Variants in TRPS1 observed in about 807,000 individuals in gnomAD.
TRPS1 encodes zinc finger transcription factor Trps1.
In TRPS1, 6 loss-of-function variants were observed where a neutral mutation model predicts 101.2. That is an observed-to-expected ratio of 0.06 (90% CI 0.03 to 0.12). The LOEUF is 0.12. Ranked by LOEUF, TRPS1 falls within the 10% of genes least tolerant of loss-of-function variation. TRPS1 has a pLI of 1.00. For missense variants in TRPS1, 1,363 were observed against 1,567.0 expected (o/e 0.87, Z 2.20); for synonymous variants, 578 against 589.8 (o/e 0.98, Z 0.29).
Position 115,619,225 on chromosome 8 carries a change from G to A in TRPS1, c.873C>T (p.Asp291=). The change falls in exon 3 of 7, where the codon GAC becomes GAT. Residue 291 remains aspartate, a synonymous_variant. Transcript: ENST00000395715. ...ACACAGAACGGTTGACCTTCTGGAAGTCTTTGGAATGGCTGAACTGCACCA... is the reference window on the plus strand; with the variant it reads ...ACACAGAACGGTTGACCTTCTGGAAATCTTTGGAATGGCTGAACTGCACCA... The part of the protein sequence containing the change: ...HNMVQFSHSK[D]FQKVNRSVFS... 6.2e-7 allele frequency: 1 copy of A among 1,614,132 alleles called. No homozygotes were observed. The highest frequency in any genetic ancestry group is 8.5e-7 in the Non-Finnish European group (1 of 1,180,020).
intron 5 of TRPS1, among the ~76,000 whole-genome samples, chr8:115,493,319 G>A (rs1331387246): frequency 2.6e-5 from 4 of 152,126 alleles, no homozygotes; most frequent in Non-Finnish European, 4.4e-5. Context: ...CATATTGCTA[G>A]CATTAATATA....
chr8:115,533,803 G>T (rs898931631), intron 5 of TRPS1, among the ~76,000 whole-genome samples: 4 of 151,950 alleles, frequency 2.6e-5, no homozygotes, highest in Non-Finnish European at 1.5e-5. Context: ...TTTCTTCCTG[G>T]CTTGCAGATG....
Position 115,587,052 on chromosome 8 carries a change from A to G in TRPS1, c.2649T>C (p.Tyr883=). Residue 883 remains tyrosine (Y), a synonymous_variant, in exon 5 of 7, where the codon TAT becomes TAC. Coordinates refer to ENST00000395715, the MANE Select transcript of TRPS1 (RefSeq NM_014112.5). ...GEKSGALPQQ[Y]PASGENKSKD... ...TGGACTTGTTTTCTCCCGATGCAGGATACTGCTGGGGGAGGGCCCCAGACT... is the reference window on the plus strand; with the variant it reads ...TGGACTTGTTTTCTCCCGATGCAGGGTACTGCTGGGGGAGGGCCCCAGACT... 11 of 1,614,176 alleles carry G rather than the reference A, an allele frequency of 6.8e-6. No homozygotes were observed. Among genetic ancestry groups the G allele is most frequent in the Non-Finnish European group, 9.3e-6 (11 of 1,180,024 alleles).
intron 5 of TRPS1, among the ~76,000 whole-genome samples, chr8:115,557,031 T>C (rs1260931243): frequency 6.6e-6 from 1 of 152,036 alleles, no homozygotes; most frequent in African/African-American, 2.4e-5. Context: ...GGCCTCACAA[T>C]CAAGGTGGAA....
chr8:115,451,786 C>T (rs1813879637), intron 5 of TRPS1, among the ~76,000 whole-genome samples: 1 of 152,144 alleles, frequency 6.6e-6, no homozygotes, highest in South Asian at 2.1e-4. Context: ...GGCAATGAGC[C>T]TCATGTGGCC....
intron 4 of TRPS1, among the ~76,000 whole-genome samples, chr8:115,592,591 T>C (rs1289709495): frequency 6.6e-6 from 1 of 152,186 alleles, no homozygotes; most frequent in Non-Finnish European, 1.5e-5. Context: ...TTTCTCCTTA[T>C]ATTATCAGTT....
At chr8:115,455,978 G>T (rs1400250143) in intron 5 of TRPS1, among the ~76,000 whole-genome samples, 2 of 151,654 alleles carry the variant, frequency 1.3e-5, no homozygotes, top group African/African-American at 4.8e-5. Flanking sequence ...TAGAGACAGG[G>T]TTTCACCGTG....
At chr8:115,636,917 CAA>C (rs1047747894) in intron 1 of TRPS1, among the ~76,000 whole-genome samples, 1 of 115,818 alleles carries the variant, frequency 8.6e-6, no homozygotes, top group African/African-American at 6.0e-5. Context: ...ATCTAAAAAA[CAA>C]AACAAAACAA....
chr8:115,648,245 G>C (rs1417968280), intron 1 of TRPS1, among the ~76,000 whole-genome samples: 1 of 149,746 alleles, frequency 6.7e-6, no homozygotes, highest in East Asian at 2.0e-4. Context: ...AAGCGGGCAG[G>C]AGGCGGCCTC....
At position 115,410,513 on chromosome 8, in the gene TRPS1, A is replaced by G. The variant is rs1812765317; in HGVS notation, c.*3510T>C. On this transcript the variant is annotated 3_prime_UTR_variant, in exon 7 of 7. Transcript: ENST00000395715. ...AAAAATCTCAATATGTCATGTAGAGAGAATTGGGCATACTCTTTTCCTTTT... is the reference window on the plus strand; with the variant it reads ...AAAAATCTCAATATGTCATGTAGAGGGAATTGGGCATACTCTTTTCCTTTT... The G allele has an allele frequency of 6.6e-6, 1 of 152,478 alleles. No homozygotes were observed. Among genetic ancestry groups the G allele is most frequent in the Non-Finnish European group, 1.5e-5 (1 of 67,986 alleles). 9.4% of individuals were successfully genotyped at this position (152,478 alleles called of 1,614,324 possible). A position where few individuals can be genotyped will look rare whatever the true frequency, so the allele number is the denominator to read the frequency against.
chr8:115,561,812 T>A (rs1816952722), intron 5 of TRPS1, among the ~76,000 whole-genome samples: 1 of 151,514 alleles, frequency 6.6e-6, no homozygotes, highest in Non-Finnish European at 1.5e-5. Flanking sequence ...ACTGGAATAC[T>A]CCAAAAACTT....
At chr8:115,425,883 GA>G (rs1813175088) in intron 5 of TRPS1, among the ~76,000 whole-genome samples, 1 of 152,164 alleles carries the variant, frequency 6.6e-6, no homozygotes, top group Non-Finnish European at 1.5e-5. Flanking sequence ...TTACATAATA[GA>G]ATCAGAATTG....
intron 3 of TRPS1, among the ~76,000 whole-genome samples, chr8:115,612,783 C>T (rs78176312): frequency 9.6e-4 from 146 of 152,290 alleles, no homozygotes; most frequent in African/African-American, 3.4e-3. Flanking sequence ...ATGTCCCACC[C>T]GTCTATTGCT....
chr8:115,616,778 C>T (rs925058180), intron 3 of TRPS1, among the ~76,000 whole-genome samples: 1 of 152,130 alleles, frequency 6.6e-6, no homozygotes, highest in South Asian at 2.1e-4. Context: ...GACAAAACTA[C>T]ATTAAAGAAA....
intron 3 of TRPS1, among the ~76,000 whole-genome samples, chr8:115,618,652 T>A (rs1026421287): frequency 6.6e-6 from 1 of 152,150 alleles, no homozygotes; most frequent in Admixed American, 6.5e-5. Flanking sequence ...CAGGACTATC[T>A]CTGCAACCAT....
chr8:115,504,315 C>T (rs1815389092), intron 5 of TRPS1, among the ~76,000 whole-genome samples: 1 of 152,146 alleles, frequency 6.6e-6, no homozygotes, highest in African/African-American at 2.4e-5. Context: ...ACTATAAAAA[C>T]AACCATTGTC....
At chr8:115,540,018 C>G (rs1271444067) in intron 5 of TRPS1, among the ~76,000 whole-genome samples, 1 of 152,212 alleles carries the variant, frequency 6.6e-6, no homozygotes, top group Admixed American at 6.5e-5. Flanking sequence ...TGTTTGGCAA[C>G]AGAACTTTCA....
chr8:115,537,884 T>G (rs1276450537), intron 5 of TRPS1, among the ~76,000 whole-genome samples: 2 of 152,180 alleles, frequency 1.3e-5, no homozygotes, highest in Non-Finnish European at 2.9e-5. Flanking sequence ...GAGCTAACAC[T>G]TATCCTCCAG....
chr8:115,635,298 T>C (rs574476194), intron 1 of TRPS1, among the ~76,000 whole-genome samples: 29 of 152,262 alleles, frequency 1.9e-4, no homozygotes, highest in Non-Finnish European at 2.8e-4. Flanking sequence ...AATTTTTTTT[T>C]CCCCAGAAAC....
Sources: allele counts gnomAD v4.1 joint callset (sites outside exome capture counted in the v4.1 genomes callset), GRCh38; gene constraint gnomAD v4.1.1; transcripts MANE v1.5; gene names NCBI Gene and HGNC (gene_info 2026-07-23, HGNC 2026-07-21).